ITPR1: variants seen among roughly 807,000 people sequenced by gnomAD.
The protein encoded by ITPR1 is inositol 1,4,5-trisphosphate-gated calcium channel ITPR1.
In ITPR1, 96 loss-of-function variants were observed where a neutral mutation model predicts 318.4. That is an observed-to-expected ratio of 0.30 (90% CI 0.26 to 0.36). The LOEUF is 0.36. Ranked by LOEUF, ITPR1 falls within the 10% of genes least tolerant of loss-of-function variation. The probability of loss-of-function intolerance (pLI) is 1.00; values close to 1 mark genes in which losing one functional copy is unlikely to be tolerated. For missense variants in ITPR1, 2,440 were observed against 3,460.2 expected, an observed-to-expected ratio of 0.71 and a Z score of 7.40; for synonymous variants, 1,312 against 1,289.9, an observed-to-expected ratio of 1.02 and a Z score of -0.37.
intron 2 of ITPR1, among the ~76,000 whole-genome samples, chr3:4,496,190 A>G (rs1467203309): frequency 6.6e-6 from 1 of 152,230 alleles, no homozygotes; most frequent in East Asian, 1.9e-4. Flanking sequence ...CCATCTGAAT[A>G]ATTCGAAAGT....
chr3:4,634,963 G>A (rs2093136749), intron 5 of ITPR1, among the ~76,000 whole-genome samples: 1 of 152,204 alleles, frequency 6.6e-6, no homozygotes, highest in South Asian at 2.1e-4. Context: ...GGCTGGTGTT[G>A]AACCCCTGAC....
intron 42 of ITPR1, among the ~76,000 whole-genome samples, chr3:4,729,508 A>C (rs2042751616): frequency 6.6e-6 from 1 of 152,202 alleles, no homozygotes; most frequent in Non-Finnish European, 1.5e-5. Context: ...CATGATTTTT[A>C]AGTGGCTGGA....
At chr3:4,731,441 T>A (rs976022369) in intron 42 of ITPR1, among the ~76,000 whole-genome samples, 1 of 152,214 alleles carries the variant, frequency 6.6e-6, no homozygotes, top group African/African-American at 2.4e-5. Flanking sequence ...TTACAGTCAG[T>A]CCAGTGGGAA....
At chr3:4,611,243 CA>C (rs1238891425) in intron 4 of ITPR1, among the ~76,000 whole-genome samples, 57 of 123,126 alleles carry the variant, frequency 4.6e-4, no homozygotes, top group African/African-American at 1.2e-3. Context: ...AAAAAAAAAA[CA>C]AAAAAAAAAC....
Position 4,783,799 on chromosome 3 carries a change from C to T in ITPR1, c.6511-17C>T. 1 of 1,573,348 alleles carries T rather than the reference C, an allele frequency of 6.4e-7. No individual in the cohort carries two copies. The highest frequency in any genetic ancestry group is 8.7e-7 in the Non-Finnish European group (1 of 1,154,610). On this transcript the variant is annotated splice_polypyrimidine_tract_variant and intron_variant, in intron 50 of 61. Coordinates refer to ENST00000649015, the MANE Select transcript of ITPR1 (RefSeq NM_001378452.1). ...GAAGAGACACCAACCTCCTGTATCT[C>T]TGTCCCTGTATTCTAGTTGGCTCGG...
In ITPR1 at chr3:4,847,469, A is replaced by T. The variant is rs1264470893; in HGVS notation, c.*1244A>T. On this transcript the variant is annotated 3_prime_UTR_variant, in exon 62 of 62. Coordinates refer to ENST00000649015, the MANE Select transcript of ITPR1 (RefSeq NM_001378452.1). ...ATGAGTAAAGTTTGTAAATGCATAT[A>T]TAAAAATATTTAATAAATGATGCAG... 1 of 152,124 alleles carries T rather than the reference A, an allele frequency of 6.6e-6. No homozygotes were observed. Among genetic ancestry groups the T allele is most frequent in the Non-Finnish European group, 1.5e-5 (1 of 68,020 alleles). The allele number at this position is 152,124 out of a possible 1,614,324, so 9.4% of individuals were successfully genotyped here.
At position 4,516,557 on chromosome 3, in the gene ITPR1, G is replaced by A. The variant is rs112944532; in HGVS notation, c.66G>A (p.Ser22=). Residue 22 remains serine, a synonymous_variant, in exon 3 of 62, where the codon TCG becomes TCA. Coordinates refer to ENST00000649015, the MANE Select transcript of ITPR1 (RefSeq NM_001378452.1). Reference sequence around the variant, plus strand: ...TTTGTTCTCTGTACGCGGAGGGATCGACAAATGGATTTATTAGCACCTTGG... The same window carrying A: ...TTTGTTCTCTGTACGCGGAGGGATCAACAAATGGATTTATTAGCACCTTGG... ...GDICSLYAEG[S]TNGFISTLGL... The A allele has an allele frequency of 5.3e-4, 856 of 1,603,558 alleles. 2 individuals are homozygous for A. Among genetic ancestry groups the A allele is most frequent in the Non-Finnish European group, 6.6e-4 (771 of 1,174,936 alleles).
chr3:4,771,837 C>T (rs952416942), intron 46 of ITPR1, among the ~76,000 whole-genome samples: 10 of 151,934 alleles, frequency 6.6e-5, no homozygotes, highest in Non-Finnish European at 1.2e-4. Context: ...GGGGAGCGCA[C>T]GGGATCCTTT....
chr3:4,685,254 C>T, intron 30 of ITPR1, 48 bp downstream of exon 30: 1 of 1,525,198 alleles, frequency 6.6e-7, no homozygotes. Context: ...TGGGGCGGAT[C>T]CCTGGGTTTC....
intron 4 of ITPR1, among the ~76,000 whole-genome samples, chr3:4,589,932 C>A (rs2090248035): frequency 1.3e-5 from 2 of 152,166 alleles, no homozygotes; most frequent in African/African-American, 4.8e-5. Context: ...TCTCCTGGTT[C>A]TTTCAGCTCT....
At chr3:4,498,977 C>A (rs865903500) in intron 2 of ITPR1, among the ~76,000 whole-genome samples, 2 of 152,144 alleles carry the variant, frequency 1.3e-5, no homozygotes, top group Non-Finnish European at 2.9e-5. Context: ...TTAAAGCAAA[C>A]CTCAAATTTT....
chr3:4,527,958 A>G (rs1397031350), intron 4 of ITPR1, among the ~76,000 whole-genome samples: 2 of 152,226 alleles, frequency 1.3e-5, no homozygotes, highest in Non-Finnish European at 2.9e-5. Context: ...ACCTCCCAGC[A>G]GCTTAGGAAG....
rs770601565 is a variant in ITPR1, at chr3:4,826,525, G to A, written c.8028+8283G>A. ...CGGTGGCTGGAAACAGTGTGTCAGC[G>A]TCACTGGACTCGCCGCCCAGCCAGC... On this transcript the variant is annotated intron_variant, in intron 60 of 61. Transcript: ENST00000649015. This position sits in a 1 kb window ranked among gnomAD's most constrained non-coding sequence, Gnocchi z 4.2. Among the ~76,000 whole-genome samples the A allele has an allele frequency of 8.5e-5, 13 of 152,174 alleles. No homozygotes were observed. The East Asian group carries it at 1.3e-3, about 16-fold the overall frequency.
At chr3:4,794,671 A>G (rs758130815) in intron 52 of ITPR1, among the ~76,000 whole-genome samples, 91 of 152,150 alleles carry the variant, frequency 6.0e-4, no homozygotes, top group Non-Finnish European at 1.0e-3. Flanking sequence ...AGCTAATTGA[A>G]TTTTTGGGTC....
intron 55 of ITPR1, 98 bp from the exon 56 acceptor site, chr3:4,811,167 A>C: frequency 3.9e-6 from 3 of 761,834 alleles, no homozygotes; most frequent in Non-Finnish European, 4.0e-6. Flanking sequence ...TTGAGTGTCT[A>C]AGAGGGCAAA....
intron 4 of ITPR1, among the ~76,000 whole-genome samples, chr3:4,560,581 C>T (rs1032203274): frequency 6.6e-6 from 1 of 152,084 alleles, no homozygotes; most frequent in African/African-American, 2.4e-5. Context: ...CATGAGGTGA[C>T]TTTCATGTTA....
intron 53 of ITPR1, chr3:4,799,807 A>G (rs1384924168): frequency 6.6e-6 from 1 of 152,300 alleles, no homozygotes. Context: ...TTGTAGCATG[A>G]TGCTCATGAC....
intron 4 of ITPR1, among the ~76,000 whole-genome samples, chr3:4,585,058 G>A (rs568780364): frequency 6.6e-5 from 10 of 152,254 alleles, no homozygotes; most frequent in Admixed American, 3.9e-4. Flanking sequence ...CCCACCCTCC[G>A]AGGGTCCTAA....
chr3:4,841,276 G>C (rs1553768962), intron 61 of ITPR1, among the ~76,000 whole-genome samples: 1 of 152,192 alleles, frequency 6.6e-6, no homozygotes, highest in Non-Finnish European at 1.5e-5. Context: ...AAGTAGGTAG[G>C]TAGTGGTCCT....
Sources: gnomAD v4.1 joint callset for allele counts (sites outside exome capture counted in the v4.1 genomes callset) on GRCh38, gnomAD v4.1.1 for gene constraint, Gnocchi (gnomAD v3.1) non-coding constraint, MANE v1.5 for transcripts, NCBI Gene and HGNC (gene_info 2026-07-23, HGNC 2026-07-21) for gene names.